PKIA: variants seen among roughly 807,000 people sequenced by gnomAD.
PKIA encodes cAMP-dependent protein kinase inhibitor alpha, also known as PKI-alpha.
PKIA carries 4 observed loss-of-function variants against 7.6 expected under a neutral mutation model. The ratio of observed to expected loss-of-function variants is 0.52; its 90% CI spans 0.26 to 1.20. The LOEUF (loss-of-function observed/expected upper bound fraction) is 1.20, where lower values mean the gene tolerates loss of function less well. Ranked by LOEUF, PKIA falls within the 50% of genes most tolerant of loss-of-function variation. The probability of loss-of-function intolerance (pLI) is 0.13; values close to 1 mark genes in which losing one functional copy is unlikely to be tolerated. For missense variants in PKIA, 73 were observed against 86.2 expected (o/e 0.85, Z 0.61); for synonymous variants, 21 against 30.7 (o/e 0.68, Z 1.04).
At chr8:78,543,981 G>T (rs1385309242) in intron 1 of PKIA, among the ~76,000 whole-genome samples, 2 of 152,086 alleles carry the variant, frequency 1.3e-5, no homozygotes, top group African/African-American at 4.8e-5. Flanking sequence ...CAAGCACTGG[G>T]AAGTTTCTGA....
chr8:78,519,857 C>A (rs185143308), intron 1 of PKIA, among the ~76,000 whole-genome samples: 1 of 152,128 alleles, frequency 6.6e-6, no homozygotes, highest in Non-Finnish European at 1.5e-5. Flanking sequence ...GTTAGCCCAT[C>A]CTCTTACATG....
At chr8:78,549,598 A>G (rs1806929031) in intron 1 of PKIA, among the ~76,000 whole-genome samples, 1 of 151,944 alleles carries the variant, frequency 6.6e-6, no homozygotes, top group African/African-American at 2.4e-5. Context: ...CATGAAGCCA[A>G]GTGCCTTATT....
chr8:78,522,244 G>C (rs777576920), intron 1 of PKIA, among the ~76,000 whole-genome samples: 38 of 151,740 alleles, frequency 2.5e-4, no homozygotes, highest in Non-Finnish European at 4.4e-4. Flanking sequence ...TAATTTATTT[G>C]GTCAAAACCC....
In PKIA at chr8:78,532,623, G is replaced by A. The variant is rs146981269; in HGVS notation, c.-157+16155G>A. Reference sequence around the variant, plus strand: ...ACTGTGTATTTAAAGATACAAAGCAGGCTGGACGCAGTGGCTCACACCTAT... The same window carrying A: ...ACTGTGTATTTAAAGATACAAAGCAAGCTGGACGCAGTGGCTCACACCTAT... On this transcript the variant is annotated intron_variant, in intron 1 of 3. Coordinates refer to ENST00000396418, the MANE Select transcript of PKIA (RefSeq NM_006823.4). 3.5e-3 allele frequency among the ~76,000 whole-genome samples: 537 copies of A among 152,114 alleles called. 4 individuals are homozygous for A. Among genetic ancestry groups the A allele is most frequent in the African/African-American group, 0.012 (498 of 41,508 alleles).
At chr8:78,594,524 G>A (rs1483517851) in intron 2 of PKIA, among the ~76,000 whole-genome samples, 5 of 152,298 alleles carry the variant, frequency 3.3e-5, no homozygotes, top group South Asian at 2.1e-4. Context: ...AGGTTGGGAC[G>A]TGGAGAAACT....
intron 2 of PKIA, among the ~76,000 whole-genome samples, chr8:78,575,845 C>A (rs1807662114): frequency 6.6e-6 from 1 of 151,916 alleles, no homozygotes; most frequent in Non-Finnish European, 1.5e-5. Context: ...GCTAGGGCTG[C>A]CATAACAAAA....
intron 1 of PKIA, among the ~76,000 whole-genome samples, chr8:78,572,541 G>GCACACACACACACACACA (rs1554582465): frequency 2.0e-5 from 2 of 98,380 alleles, no homozygotes; most frequent in African/African-American, 8.1e-5. Flanking sequence ...AAAGCTGCAC[G>GCACACACACACACACACA]CACACACACA....
chr8:78,571,980 T>C (rs1393716370), intron 1 of PKIA, among the ~76,000 whole-genome samples: 2 of 151,652 alleles, frequency 1.3e-5, no homozygotes, highest in African/African-American at 4.8e-5. Context: ...AGAGATCATG[T>C]CATTTGTTTT....
At chr8:78,590,507 G>A (rs2130249082) in intron 2 of PKIA, among the ~76,000 whole-genome samples, 1 of 152,118 alleles carries the variant, frequency 6.6e-6, no homozygotes, top group Admixed American at 6.6e-5. Flanking sequence ...ATTCTCTTAT[G>A]TACTTCAACT....
chr8:78,596,890 A>G (rs1490254081), intron 2 of PKIA, among the ~76,000 whole-genome samples: 7 of 152,170 alleles, frequency 4.6e-5, no homozygotes, highest in Admixed American at 2.6e-4. Context: ...CCAGTCTTCA[A>G]TCTACATGTG....
intron 1 of PKIA, among the ~76,000 whole-genome samples, chr8:78,541,551 T>C (rs796996898): frequency 5.3e-5 from 8 of 152,318 alleles, no homozygotes; most frequent in African/African-American, 1.9e-4. Context: ...ATATATATAG[T>C]AATGTGAACT....
intron 1 of PKIA, among the ~76,000 whole-genome samples, chr8:78,540,454 G>A (rs1229577808): frequency 6.6e-6 from 1 of 152,064 alleles, no homozygotes; most frequent in Admixed American, 6.6e-5. Context: ...TCCCTGCAGG[G>A]CCAAACAAAT....
At chr8:78,551,268 T>C (rs1363379850) in intron 1 of PKIA, among the ~76,000 whole-genome samples, 1 of 152,050 alleles carries the variant, frequency 6.6e-6, no homozygotes, top group East Asian at 1.9e-4. Context: ...TAGTAAATCC[T>C]AGACAACTAA....
intron 1 of PKIA, among the ~76,000 whole-genome samples, chr8:78,523,909 C>G (rs867398799): frequency 7.7e-6 from 1 of 130,456 alleles, no homozygotes; most frequent in African/African-American, 3.1e-5. Flanking sequence ...TATATTTATA[C>G]ATATATATTT....
chr8:78,556,738 G>A (rs1563578156), intron 1 of PKIA: 1 of 152,094 alleles, frequency 6.6e-6, no homozygotes. Context: ...AATTTATGAT[G>A]CTATAAAACT....
intron 2 of PKIA, among the ~76,000 whole-genome samples, chr8:78,588,524 C>A (rs543357493): frequency 6.6e-6 from 1 of 151,922 alleles, no homozygotes; most frequent in Non-Finnish European, 1.5e-5. Flanking sequence ...CAGTGTAAAA[C>A]GCTAAATACA....
At chr8:78,540,143 G>A (rs1256316962) in intron 1 of PKIA, among the ~76,000 whole-genome samples, 1 of 151,162 alleles carries the variant, frequency 6.6e-6, no homozygotes, top group Non-Finnish European at 1.5e-5. Flanking sequence ...GAATGAATAA[G>A]GCAATAAAAG....
In PKIA at chr8:78,598,290, A is replaced by G. The variant is rs6990845; in HGVS notation, c.-27-68A>G. On this transcript the variant is annotated intron_variant, in intron 2 of 3. Transcript: ENST00000396418. ...ACAATTGTTTCACATTCATATACTAAGTCGGTAGTTAAATGTTTAGCATTG... is the reference window on the plus strand; with the variant it reads ...ACAATTGTTTCACATTCATATACTAGGTCGGTAGTTAAATGTTTAGCATTG... The G allele has an allele frequency of 0.081, 73,588 of 909,792 alleles. 3,800 individuals are homozygous for G. Among genetic ancestry groups the G allele is most frequent in the African/African-American group, 0.2 (11,742 of 60,056 alleles). The allele number at this position is 909,792 out of a possible 1,614,324, so 56.4% of individuals were successfully genotyped here. A position where few individuals can be genotyped will look rare whatever the true frequency, so the allele number is the denominator to read the frequency against.
At chr8:78,541,400 A>G (rs147353908) in intron 1 of PKIA, among the ~76,000 whole-genome samples, 3 of 152,246 alleles carry the variant, frequency 2.0e-5, no homozygotes, top group African/African-American at 7.2e-5. Context: ...TCCCATATAT[A>G]CAACAGCTGT....
Sources: gnomAD v4.1 joint callset for allele counts (sites outside exome capture counted in the v4.1 genomes callset) on GRCh38, gnomAD v4.1.1 for gene constraint, MANE v1.5 for transcripts, NCBI Gene and HGNC (gene_info 2026-07-23, HGNC 2026-07-21) for gene names.